The following ACCSL variants were observed in gnomAD, a reference collection of about 807,000 sequenced individuals.
ACCSL encodes the protein 1-aminocyclopropane-1-carboxylate synthase homolog (inactive) like.
ACCSL carries 55 observed loss-of-function variants against 61.7 expected under a neutral mutation model. That is an observed-to-expected ratio of 0.89 (90% confidence interval 0.72 to 1.12). The LOEUF (loss-of-function observed/expected upper bound fraction) is 1.12. Ranked by LOEUF, ACCSL falls within the 50% of genes most tolerant of loss-of-function variation. ACCSL has a pLI of 0.00. For missense variants in ACCSL, 632 were observed against 698.0 expected (o/e 0.91, Z 1.07); for synonymous variants, 258 against 264.3 (o/e 0.98, Z 0.23).
At chr11:43,998,249 C>T in the ACCSL span, among the ~76,000 whole-genome samples, 10 of 152,172 alleles carry the variant, frequency 6.6e-5, no homozygotes, top group African/African-American at 9.7e-5. Context: ...AGCACTGTTA[C>T]GTGGAAATGC....
At chr11:44,033,536 C>T in the ACCSL span, among the ~76,000 whole-genome samples, 1 of 152,198 alleles carries the variant, frequency 6.6e-6, no homozygotes, top group African/African-American at 2.4e-5. Flanking sequence ...TCCTCACCCC[C>T]AGCATGCCCA....
rs1952610976 is a variant in ACCSL, at chr11:44,048,095, C to T, written c.59C>T (p.Pro20Leu). 2 of 1,614,174 alleles carry T rather than the reference C, an allele frequency of 1.2e-6. No individual in the cohort carries two copies. Residue 20 changes from proline (P) to leucine (L), a missense_variant, in exon 1 of 14, where the codon CCC becomes CTC. By Grantham distance (98) the Pro-to-Leu change is moderately conservative. Transcript: ENST00000378832. ...VPSGQRRGRVPRDHSIYTQLL... is the reference protein window; with the variant it reads ...VPSGQRRGRVLRDHSIYTQLL... Reference sequence around the variant, plus strand: ...TCTGGTCAGAGGAGAGGCCGGGTCCCCAGAGACCACAGCATCTATACCCAG... The same window carrying T: ...TCTGGTCAGAGGAGAGGCCGGGTCCTCAGAGACCACAGCATCTATACCCAG...
intron 11 of ACCSL, among the ~76,000 whole-genome samples, chr11:44,057,440 A>C (rs1952678230): frequency 6.6e-6 from 1 of 152,246 alleles, no homozygotes; most frequent in South Asian, 2.1e-4. Flanking sequence ...ACCAGATCCC[A>C]GCCCCTTGAA....
the ACCSL span, among the ~76,000 whole-genome samples, chr11:43,997,288 T>C: frequency 6.6e-6 from 1 of 152,198 alleles, no homozygotes; most frequent in African/African-American, 2.4e-5. Context: ...ATGCTCTGGC[T>C]GGACTGTTTC....
intron 4 of ACCSL, 39 bp downstream of exon 4, chr11:44,051,443 G>A (rs1033465093): frequency 2.5e-6 from 4 of 1,610,302 alleles, no homozygotes; most frequent in Non-Finnish European, 3.4e-6. Context: ...CCCTGGTGGA[G>A]GGCTATATTC....
At chr11:43,978,181 G>A in the ACCSL span, among the ~76,000 whole-genome samples, 1,139 of 151,718 alleles carry the variant, frequency 7.5e-3, 11 homozygotes, top group African/African-American at 0.026. Flanking sequence ...AACTAATTTT[G>A]TATTTTTAGT....
chr11:43,943,430 T>C, the ACCSL span: 1 of 1,444,302 alleles, frequency 6.9e-7, no homozygotes, highest in Non-Finnish European at 9.2e-7. This position sits in a 1 kb window ranked among gnomAD's most constrained non-coding sequence, Gnocchi z 4.8. Flanking sequence ...TGCGAACCGG[T>C]CGGTGCGCCC....
In ACCSL at chr11:44,056,082, T is replaced by C. The variant is rs771493038; in HGVS notation, c.1182T>C (p.Ser394=). ...GGACCCATGTGATCTGGGGTACCAG[T>C]AAGGTGAGCCATTGCTTTCTCTCCT... ...SNRTHVIWGT[S]KDFGISGFRF... is the part of the protein sequence containing the mutation. The change falls in exon 10 of 14, where the codon AGT becomes AGC. Residue 394 remains serine (S), a synonymous_variant. Coordinates refer to ENST00000378832, the MANE Select transcript of ACCSL (RefSeq NM_001031854.2). 6.2e-7 allele frequency: 1 copy of C among 1,614,224 alleles called. No individual in the cohort carries two copies. Among genetic ancestry groups the C allele is most frequent in the East Asian group, 2.2e-5 (1 of 44,886 alleles).
At chr11:43,939,173 T>C in the ACCSL span, among the ~76,000 whole-genome samples, 2 of 152,352 alleles carry the variant, frequency 1.3e-5, no homozygotes, top group East Asian at 3.9e-4. Context: ...TCTAGAATTA[T>C]AGGCTCAATA....
the ACCSL span, chr11:43,943,309 G>T: frequency 6.9e-7 from 1 of 1,442,422 alleles, no homozygotes; most frequent in Non-Finnish European, 9.1e-7. The surrounding 1 kb of genome is among the most constrained non-coding windows in gnomAD (Gnocchi z 4.8). Flanking sequence ...GCGCGTCCGC[G>T]GTCCGCGCGG....
chr11:44,002,242 C>T, the ACCSL span, among the ~76,000 whole-genome samples: 11 of 152,092 alleles, frequency 7.2e-5, no homozygotes, highest in South Asian at 1.7e-3. Flanking sequence ...GGTTTGAGAG[C>T]GCGCCTCCCC....
chr11:44,017,584 T>C, the ACCSL span, among the ~76,000 whole-genome samples: 1 of 152,182 alleles, frequency 6.6e-6, no homozygotes, highest in Non-Finnish European at 1.5e-5. Flanking sequence ...ATTTCCTGAA[T>C]GGCTCAAGTG....
the ACCSL span, among the ~76,000 whole-genome samples, chr11:43,983,271 T>C: frequency 6.6e-6 from 1 of 152,184 alleles, no homozygotes; most frequent in Non-Finnish European, 1.5e-5. Context: ...AAACAGTCGA[T>C]TACTCGGAAT....
chr11:44,006,211 G>A, the ACCSL span, among the ~76,000 whole-genome samples: 1 of 152,228 alleles, frequency 6.6e-6, no homozygotes, highest in Admixed American at 6.5e-5. Flanking sequence ...CAGGGTGCTA[G>A]GTGGGAGGGC....
chr11:43,990,115 C>T, the ACCSL span, among the ~76,000 whole-genome samples: 2 of 152,220 alleles, frequency 1.3e-5, no homozygotes, highest in African/African-American at 4.8e-5. Flanking sequence ...AGATCTGTAA[C>T]CTCTCACCTC....
the ACCSL span, among the ~76,000 whole-genome samples, chr11:44,013,599 G>A: frequency 2.3e-4 from 35 of 152,286 alleles, no homozygotes; most frequent in Non-Finnish European, 4.7e-4. Context: ...GGCCAAGCAC[G>A]TCTTAATAAT....
chr11:43,928,865 G>C, the ACCSL span, among the ~76,000 whole-genome samples: 1 of 152,162 alleles, frequency 6.6e-6, no homozygotes, highest in East Asian at 1.9e-4. Context: ...GGAATGGAGC[G>C]TTCCTCTCCT....
chr11:44,024,439 C>G, the ACCSL span, among the ~76,000 whole-genome samples: 28 of 48,956 alleles, frequency 5.7e-4, no homozygotes, highest in South Asian at 2.3e-3. Flanking sequence ...CTCTCTCTCT[C>G]TCTGTGTGTG....
the ACCSL span, among the ~76,000 whole-genome samples, chr11:43,934,359 CAG>C: frequency 7.2e-5 from 11 of 152,178 alleles, no homozygotes; most frequent in Non-Finnish European, 1.2e-4. Flanking sequence ...AGGGCCGGGA[CAG>C]GGGGCAGGAC....
Sources: allele counts gnomAD v4.1 joint callset (sites outside exome capture counted in the v4.1 genomes callset), GRCh38; gene constraint gnomAD v4.1.1; non-coding constraint Gnocchi (gnomAD v3.1); transcripts MANE v1.5; gene names NCBI Gene and HGNC (gene_info 2026-07-23, HGNC 2026-07-21).